The following CDYL variants were observed in gnomAD, a reference collection of about 807,000 sequenced individuals.
The protein encoded by CDYL is chromodomain Y like.
In CDYL, 8 loss-of-function variants were observed where a neutral mutation model predicts 47.3. The observed-to-expected ratio is 0.17, with a 90% CI of 0.10 to 0.31. The LOEUF (loss-of-function observed/expected upper bound fraction) is 0.31, where lower values mean the gene tolerates loss of function less well. CDYL is among the 10% of genes least tolerant of loss of function. The pLI is 1.00. For synonymous variants in CDYL, 266 were observed against 265.0 expected, an observed-to-expected ratio of 1.00 and a Z score of -0.04; for missense variants, 471 against 701.4, an observed-to-expected ratio of 0.67 and a Z score of 3.71.
chr6:4,934,464 G>A (rs1469518573), intron 2 of CDYL, among the ~76,000 whole-genome samples: 2 of 152,128 alleles, frequency 1.3e-5, no homozygotes, highest in Non-Finnish European at 2.9e-5. Context: ...GGTGGCTTTG[G>A]CTTATTCTCT....
intron 2 of CDYL, among the ~76,000 whole-genome samples, chr6:4,912,006 G>A (rs1162581725): frequency 6.6e-6 from 1 of 152,192 alleles, no homozygotes; most frequent in African/African-American, 2.4e-5. Context: ...CTTTTCTCCT[G>A]AGCAGGTGTC....
chr6:4,889,110 A>G (rs1424448813), intron 1 of CDYL, among the ~76,000 whole-genome samples: 1 of 152,158 alleles, frequency 6.6e-6, no homozygotes, highest in Non-Finnish European at 1.5e-5. Context: ...CATCACAATA[A>G]TTAATGGAGC....
In CDYL at chr6:4,935,652, A is replaced by G; in HGVS notation, c.829A>G (p.Ser277Gly). 6.2e-7 allele frequency: 1 copy of G among 1,614,266 alleles called. No individual in the cohort carries two copies. Among genetic ancestry groups the G allele is most frequent in the Non-Finnish European group, 8.5e-7 (1 of 1,180,038 alleles). ...GCCTTTTGACAAGCGATTGCGTTTC[A>G]GCGTGAGGCAAACAGAAAGTGCCTA... Reference protein sequence around the residue: ...DQPFDKRLRFSVRQTESAYRY... With the variant: ...DQPFDKRLRFGVRQTESAYRY... The change falls in exon 3 of 7, where the codon AGC becomes GGC. Residue 277 changes from serine to glycine, a missense_variant. Physicochemically the swap from Ser to Gly is moderately conservative, Grantham distance 56. Coordinates refer to ENST00000397588, the MANE Select transcript of CDYL (RefSeq NM_004824.4).
intron 1 of CDYL, among the ~76,000 whole-genome samples, chr6:4,811,038 G>C (rs1759512636): frequency 6.6e-6 from 1 of 152,204 alleles, no homozygotes; most frequent in African/African-American, 2.4e-5. Flanking sequence ...TCTTGTGTCA[G>C]ATCAGCCGTA....
At chr6:4,772,375 A>G (rs115070031), upstream of CDYL, among the ~76,000 whole-genome samples, 2,075 of 152,292 alleles carry the variant, frequency 0.014, 16 homozygotes, top group Middle Eastern at 0.088. Context: ...AAATGGGGAA[A>G]CTGACTGTTT....
chr6:4,799,059 A>G lies in CDYL; in HGVS notation c.24+22252A>G, dbSNP rs1247610762. On this transcript the variant is annotated intron_variant, in intron 1 of 6. Transcript: ENST00000397588. The stretch of plus-strand genomic sequence containing the variant: ...TTGCTGTATTGTCTTACATGAGCAT[A>G]TAGTGCTGTACATTTACTTGCAGCT... 2.0e-5 allele frequency among the ~76,000 whole-genome samples: 3 copies of G among 152,194 alleles called. No homozygotes were observed. The East Asian group carries it at 5.8e-4, about 29-fold the overall frequency.
exon 2 of CDYL, chr6:4,715,754 A>G: frequency 6.2e-7 from 1 of 1,613,542 alleles, no homozygotes; most frequent in Non-Finnish European, 8.5e-7. Context: ...GTCATCAGAG[A>G]ACACAGAGCC....
At position 4,769,965 on chromosome 6, in the gene CDYL, TTGTGTGTGTGTG is replaced by T. The variant is rs58041362; in HGVS notation, c.186+35155_186+35166del. 2.2e-3 allele frequency among the ~76,000 whole-genome samples: 301 copies of T among 137,892 alleles called. 1 individual carries two copies. The highest frequency in any genetic ancestry group is 4.8e-3 in the African/African-American group (175 of 36,522). The allele number at this position is 137,892 out of a possible 152,430, so 90.5% of individuals were successfully genotyped here. ...GCGACCGCCACCACGCCCGGCTAAT[TTGTGTGTGTGTG>T]TGTGTGTGTGTGTGTGTGTGTGTGT... On this transcript the variant is annotated intron_variant, in intron 3 of 8. Transcript: ENST00000328908.
chr6:4,871,831 G>T (rs150009983), intron 1 of CDYL, among the ~76,000 whole-genome samples: 6 of 152,194 alleles, frequency 3.9e-5, no homozygotes, highest in African/African-American at 1.4e-4. Flanking sequence ...TTCATGTTAC[G>T]GCTCTAGGAA....
At chr6:4,757,961 T>C (rs545522311) in intron 3 of CDYL, among the ~76,000 whole-genome samples, 1 of 152,368 alleles carries the variant, frequency 6.6e-6, no homozygotes, top group Admixed American at 6.5e-5. Context: ...ACTATACATC[T>C]GTAAAAATTT....
intron 3 of CDYL, among the ~76,000 whole-genome samples, chr6:4,758,783 G>A (rs1018330698): frequency 5.9e-5 from 9 of 151,966 alleles, no homozygotes; most frequent in East Asian, 5.8e-4. Context: ...CATATTTTTC[G>A]ATGTATATTT....
chr6:4,807,797 G>T (rs1220096899), intron 1 of CDYL, among the ~76,000 whole-genome samples: 2 of 151,486 alleles, frequency 1.3e-5, no homozygotes, highest in African/African-American at 4.9e-5. Flanking sequence ...GTAGAGATAG[G>T]GTCTTGCTAT....
intron 1 of CDYL, among the ~76,000 whole-genome samples, chr6:4,838,962 A>G (rs908944970): frequency 1.3e-5 from 2 of 152,180 alleles, no homozygotes; most frequent in Non-Finnish European, 2.9e-5. Flanking sequence ...GGCGTGAGCC[A>G]CCACTCCCGG....
At chr6:4,922,608 T>C (rs1757749679) in intron 2 of CDYL, among the ~76,000 whole-genome samples, 1 of 152,170 alleles carries the variant, frequency 6.6e-6, no homozygotes, top group African/African-American at 2.4e-5. Context: ...GCTTCAGAGC[T>C]CCCTGCTGGT....
At chr6:4,791,185 T>G (rs1758906948) in intron 1 of CDYL, among the ~76,000 whole-genome samples, 1 of 152,202 alleles carries the variant, frequency 6.6e-6, no homozygotes, top group Non-Finnish European at 1.5e-5. Flanking sequence ...CATCATATGA[T>G]CTTTGTCATC....
At chr6:4,919,156 C>T (rs1217309848) in intron 2 of CDYL, among the ~76,000 whole-genome samples, 1 of 152,246 alleles carries the variant, frequency 6.6e-6, no homozygotes, top group Admixed American at 6.5e-5. Flanking sequence ...GTCAGTCATT[C>T]AGCAAAATGA....
chr6:4,879,226 T>C (rs968406715), intron 1 of CDYL, among the ~76,000 whole-genome samples: 2 of 152,220 alleles, frequency 1.3e-5, no homozygotes, highest in Non-Finnish European at 2.9e-5. Context: ...GCTGTTGAAG[T>C]CTTTAGTGAA....
intron 2 of CDYL, among the ~76,000 whole-genome samples, chr6:4,897,197 C>T (rs1762309692): frequency 1.3e-5 from 2 of 152,194 alleles, no homozygotes; most frequent in South Asian, 4.1e-4. Context: ...ACATATAATT[C>T]ATCATCATTC....
intron 1 of CDYL, among the ~76,000 whole-genome samples, chr6:4,831,827 C>G (rs1760153400): frequency 6.6e-6 from 1 of 152,178 alleles, no homozygotes; most frequent in African/African-American, 2.4e-5. Context: ...GTTTTATTCT[C>G]TTTGTAGCAA....
Sources: gnomAD v4.1 joint callset for allele counts (sites outside exome capture counted in the v4.1 genomes callset) on GRCh38, gnomAD v4.1.1 for gene constraint, MANE v1.5 for transcripts, NCBI Gene and HGNC (gene_info 2026-07-23, HGNC 2026-07-21) for gene names.